Variants in CPA6 observed in about 807,000 individuals in gnomAD.
CPA6 encodes the protein carboxypeptidase B.
In CPA6, 58 loss-of-function variants were observed where a neutral mutation model predicts 63.3. The ratio of observed to expected loss-of-function variants is 0.92; its 90% CI spans 0.74 to 1.14. CPA6 has a LOEUF of 1.14. CPA6 is among the 50% of genes most tolerant of loss of function. The pLI is 0.00. For synonymous variants in CPA6, 185 were observed against 179.0 expected, an observed-to-expected ratio of 1.03 and a Z score of -0.27; for missense variants, 565 against 526.6, an observed-to-expected ratio of 1.07 and a Z score of -0.71.
chr8:67,718,934 C>G (rs145362082), intron 1 of CPA6, among the ~76,000 whole-genome samples: 2,521 of 152,158 alleles, frequency 0.017, 67 homozygotes, highest in African/African-American at 0.053. Flanking sequence ...CATGAGCCAC[C>G]GCACCTGGCC....
chr8:67,666,791 G>A (rs906048530), intron 1 of CPA6, among the ~76,000 whole-genome samples: 5 of 152,242 alleles, frequency 3.3e-5, no homozygotes, highest in Middle Eastern at 3.4e-3. Flanking sequence ...GGCCAAAACC[G>A]GGTGACAGGA....
In CPA6 at chr8:67,669,731, G is replaced by A. The variant is rs79476437; in HGVS notation, c.117-45480C>T. ...AGGGAGTAAAGAGTTCACCACAGAC[G>A]TTTGATGCTTCTTATGTGTCATGTA... On this transcript the variant is annotated intron_variant, in intron 1 of 10. Coordinates refer to ENST00000297770, the MANE Select transcript of CPA6 (RefSeq NM_020361.5). 5.8e-3 allele frequency among the ~76,000 whole-genome samples: 875 copies of A among 151,234 alleles called. 7 individuals are homozygous for A. Among genetic ancestry groups the A allele is most frequent in the African/African-American group, 0.019 (799 of 41,292 alleles).
intron 1 of CPA6, among the ~76,000 whole-genome samples, chr8:67,700,268 T>C (rs1057271864): frequency 6.6e-6 from 1 of 152,246 alleles, no homozygotes; most frequent in Non-Finnish European, 1.5e-5. Flanking sequence ...GGTTACAAGT[T>C]GAATAGCACA....
chr8:67,478,672 TG>T (rs1455084882), intron 8 of CPA6, among the ~76,000 whole-genome samples: 1 of 152,226 alleles, frequency 6.6e-6, no homozygotes, highest in Non-Finnish European at 1.5e-5. Context: ...AAAAACACTT[TG>T]GGTTTTTCTG....
At chr8:67,698,084 A>C (rs906643238) in intron 1 of CPA6, among the ~76,000 whole-genome samples, 2 of 152,136 alleles carry the variant, frequency 1.3e-5, no homozygotes, top group South Asian at 4.2e-4. Flanking sequence ...CTTTTTAAAA[A>C]TTTTATCAAG....
intron 8 of CPA6, among the ~76,000 whole-genome samples, chr8:67,447,842 T>C (rs1481804637): frequency 6.6e-6 from 1 of 152,186 alleles, no homozygotes; most frequent in Non-Finnish European, 1.5e-5. Flanking sequence ...TGGAGTGCAG[T>C]GGCACCATCT....
chr8:67,578,924 T>C (rs902762290), intron 2 of CPA6, among the ~76,000 whole-genome samples: 3 of 152,236 alleles, frequency 2.0e-5, no homozygotes, highest in Non-Finnish European at 4.4e-5. Flanking sequence ...AATCAGCCTG[T>C]AGTTTATCAA....
Position 67,600,018 on chromosome 8 carries a change from T to C in CPA6, c.192+24158A>G, listed in dbSNP as rs568918488. Among the ~76,000 whole-genome samples, 15 of 152,056 alleles carry C rather than the reference T, an allele frequency of 9.9e-5. No individual in the cohort carries two copies. In the East Asian group the frequency reaches 2.7e-3, roughly 27 times the overall value. On this transcript the variant is annotated intron_variant, in intron 2 of 10. Transcript: ENST00000297770. ...CAACAGTTATCAAACCCTGGCTAAC[T>C]GAAATGAATTAGGAATGGCACAAGG... is the stretch of plus-strand genomic sequence containing the variant.
At chr8:67,616,329 A>T (rs1302265362) in intron 2 of CPA6, among the ~76,000 whole-genome samples, 2 of 152,192 alleles carry the variant, frequency 1.3e-5, no homozygotes, top group East Asian at 3.9e-4. Context: ...CTCTGACTAC[A>T]GTATGGAGAA....
intron 2 of CPA6, among the ~76,000 whole-genome samples, chr8:67,554,434 C>T (rs1024015432): frequency 1.6e-4 from 24 of 152,300 alleles, no homozygotes; most frequent in African/African-American, 5.8e-4. Context: ...GAGGAAACAG[C>T]TAAACCATTC....
chr8:67,666,211 A>G (rs147519083), intron 1 of CPA6, among the ~76,000 whole-genome samples: 2,967 of 152,236 alleles, frequency 0.019, 40 homozygotes, highest in Non-Finnish European at 0.027. Flanking sequence ...CCTTGGTGCT[A>G]CTTCCACACC....
At chr8:67,491,033 T>C (rs932558607) in intron 6 of CPA6, among the ~76,000 whole-genome samples, 3 of 151,998 alleles carry the variant, frequency 2.0e-5, no homozygotes, top group Non-Finnish European at 4.4e-5. Context: ...CGAAGCCTGT[T>C]ACAGCTAAGG....
intron 2 of CPA6, among the ~76,000 whole-genome samples, chr8:67,533,315 AT>A (rs1812517305): frequency 1.3e-5 from 2 of 152,320 alleles, no homozygotes; most frequent in South Asian, 2.1e-4. Context: ...AAGTACAGTT[AT>A]TTTAGATTGA....
At chr8:67,637,274 T>C (rs1184392887) in intron 1 of CPA6, among the ~76,000 whole-genome samples, 1 of 151,744 alleles carries the variant, frequency 6.6e-6, no homozygotes, top group African/African-American at 2.4e-5. Context: ...ATTGGCTTTT[T>C]GTAAACCACA....
intron 2 of CPA6, among the ~76,000 whole-genome samples, chr8:67,602,424 A>G (rs192563861): frequency 6.6e-6 from 1 of 152,172 alleles, no homozygotes; most frequent in Admixed American, 6.5e-5. Context: ...ATTGTTACCT[A>G]TTCAAAAATA....
chr8:67,631,802 G>A (rs920575692), intron 1 of CPA6, among the ~76,000 whole-genome samples: 2 of 152,138 alleles, frequency 1.3e-5, no homozygotes, highest in African/African-American at 4.8e-5. Flanking sequence ...TGGCCAGCGA[G>A]ATCATGAACC....
At chr8:67,481,878 G>A (rs1358582516) in intron 8 of CPA6, among the ~76,000 whole-genome samples, 1 of 152,186 alleles carries the variant, frequency 6.6e-6, no homozygotes, top group Admixed American at 6.5e-5. Context: ...AATCCACTCT[G>A]GAGACCTTGC....
intron 1 of CPA6, among the ~76,000 whole-genome samples, chr8:67,648,080 G>C (rs1195742754): frequency 6.6e-6 from 1 of 152,142 alleles, no homozygotes; most frequent in East Asian, 1.9e-4. Flanking sequence ...AGAGGACAAA[G>C]GGGAAGTTCC....
At chr8:67,629,443 T>C (rs1231454641) in intron 1 of CPA6, among the ~76,000 whole-genome samples, 3 of 148,064 alleles carry the variant, frequency 2.0e-5, no homozygotes, top group Admixed American at 6.8e-5. Flanking sequence ...ATCAAGGCAT[T>C]TTGTCCAGCC....
Sources: gnomAD v4.1 joint callset for allele counts (sites outside exome capture counted in the v4.1 genomes callset) on GRCh38, gnomAD v4.1.1 for gene constraint, MANE v1.5 for transcripts, NCBI Gene and HGNC (gene_info 2026-07-23, HGNC 2026-07-21) for gene names.